The following DLGAP1 variants were observed in gnomAD, a reference collection of about 807,000 sequenced individuals.
The protein encoded by DLGAP1 is DLG associated protein 1, also known as disks large-associated protein 1.
Under a neutral mutation model 90.8 loss-of-function variants are expected in DLGAP1, and 11 were observed. That is an observed-to-expected ratio of 0.12 (90% CI 0.08 to 0.20). The LOEUF is 0.20. Among genes scored for constraint, DLGAP1 ranks in the 10% least tolerant of loss-of-function variants. DLGAP1 has a pLI of 1.00. For missense variants in DLGAP1, 1,050 were observed against 1,333.8 expected, an observed-to-expected ratio of 0.79 and a Z score of 3.31; for synonymous variants, 558 against 540.7, an observed-to-expected ratio of 1.03 and a Z score of -0.44.
intron 7 of DLGAP1, among the ~76,000 whole-genome samples, chr18:3,644,242 T>G (rs907946211): frequency 1.3e-5 from 2 of 152,118 alleles, no homozygotes; most frequent in African/African-American, 4.8e-5. Flanking sequence ...TACTAGGGGT[T>G]GGAATATTTT....
intron 1 of DLGAP1, among the ~76,000 whole-genome samples, chr18:4,282,363 CA>C (rs10710132): frequency 0.46 from 45,109 of 98,896 alleles, 8,652 homozygotes; most frequent in African/African-American, 0.64. Flanking sequence ...GACTCTGTCT[CA>C]AAAAAAAAAA....
intron 1 of DLGAP1, among the ~76,000 whole-genome samples, chr18:4,196,506 G>A (rs535557478): frequency 6.6e-6 from 1 of 152,360 alleles, no homozygotes; most frequent in African/African-American, 2.4e-5. Flanking sequence ...ACTTTTGGCA[G>A]TGTGAATGCG....
At chr18:3,500,633 A>G (rs930869149) in intron 12 of DLGAP1, among the ~76,000 whole-genome samples, 1 of 152,124 alleles carries the variant, frequency 6.6e-6, no homozygotes, top group Admixed American at 6.6e-5. Flanking sequence ...ATATTCTCCC[A>G]ACTCTGATTG....
In DLGAP1 at chr18:3,518,320, A is replaced by G. The variant is rs1378522270; in HGVS notation, c.2480-9659T>C. ...TCACAGTCTTATATGGGCACGGTTC[A>G]TGGAGCTCCAAAACAATTACAATAG... On this transcript the variant is annotated intron_variant, in intron 10 of 12. Coordinates refer to ENST00000315677, the MANE Select transcript of DLGAP1 (RefSeq NM_004746.4). 2.0e-5 allele frequency among the ~76,000 whole-genome samples: 3 copies of G among 152,224 alleles called. No homozygotes were observed. In the East Asian group the frequency reaches 5.8e-4, roughly 29 times the overall value.
chr18:4,174,011 C>T lies in DLGAP1; in HGVS notation c.-266-22724G>A, dbSNP rs12962846. Among the ~76,000 whole-genome samples the T allele has an allele frequency of 1.9e-3, 291 of 152,268 alleles. 1 individual carries two copies. The highest frequency in any genetic ancestry group is 3.4e-3 in the Non-Finnish European group (234 of 68,006). ...CCCTACCTGGCCTCCCTTTCCCTCA[C>T]CTCCCACGCTAAAAATTAAACATCA... On this transcript the variant is annotated intron_variant, in intron 1 of 12. Transcript: ENST00000315677.
intron 1 of DLGAP1, among the ~76,000 whole-genome samples, chr18:4,301,302 T>C (rs2080120601): frequency 6.6e-6 from 1 of 152,202 alleles, no homozygotes; most frequent in Non-Finnish European, 1.5e-5. Context: ...ACTCCACCTC[T>C]CAGCCTCTGG....
At chr18:4,085,024 C>G (rs1288727235) in intron 2 of DLGAP1, among the ~76,000 whole-genome samples, 2 of 152,090 alleles carry the variant, frequency 1.3e-5, no homozygotes, top group Non-Finnish European at 2.9e-5. Flanking sequence ...GTCTATGAAC[C>G]AGGGAGGTTT....
chr18:4,223,000 T>C (rs768484919), intron 1 of DLGAP1, among the ~76,000 whole-genome samples: 1 of 152,258 alleles, frequency 6.6e-6, no homozygotes, highest in African/African-American at 2.4e-5. Context: ...AAATATGTAG[T>C]CTCAGCTACT....
chr18:4,096,466 C>T (rs890812035), intron 2 of DLGAP1, among the ~76,000 whole-genome samples: 12 of 152,120 alleles, frequency 7.9e-5, no homozygotes, highest in Non-Finnish European at 1.2e-4. Context: ...TTCTCATCTG[C>T]TATATGTCCT....
In DLGAP1 at chr18:4,016,705, GT is replaced by G. The variant is rs1225562472; in HGVS notation, c.-158-11505del. On this transcript the variant is annotated intron_variant, in intron 2 of 12. Coordinates refer to ENST00000315677, the MANE Select transcript of DLGAP1 (RefSeq NM_004746.4). The stretch of plus-strand genomic sequence containing the variant: ...TCTCAAGCTCTAGGTATGCTGACAA[GT>G]TTGGTAGACCAGAAGTGTGATACTT... Among the ~76,000 whole-genome samples, 4 of 152,342 alleles carry G rather than the reference GT, an allele frequency of 2.6e-5. No homozygotes were observed. The East Asian group carries it at 7.7e-4, about 29-fold the overall frequency.
chr18:3,976,476 A>C (rs2073583021), intron 3 of DLGAP1, among the ~76,000 whole-genome samples: 1 of 152,124 alleles, frequency 6.6e-6, no homozygotes, highest in East Asian at 1.9e-4. Context: ...AATTCTCAGC[A>C]CCCTAGCTTA....
intron 4 of DLGAP1, among the ~76,000 whole-genome samples, chr18:3,817,460 A>G (rs1308519629): frequency 6.6e-6 from 1 of 152,226 alleles, no homozygotes; most frequent in Admixed American, 6.5e-5. Context: ...ATAGTAATAC[A>G]TTATTTATAT....
chr18:3,657,312 C>T (rs923536045), intron 7 of DLGAP1, among the ~76,000 whole-genome samples: 1 of 152,130 alleles, frequency 6.6e-6, no homozygotes, highest in African/African-American at 2.4e-5. Flanking sequence ...TATGAACATA[C>T]ACTGATTTTT....
At chr18:3,967,196 C>T (rs1218109553) in intron 3 of DLGAP1, among the ~76,000 whole-genome samples, 1 of 152,202 alleles carries the variant, frequency 6.6e-6, no homozygotes, top group Non-Finnish European at 1.5e-5. Flanking sequence ...TTGTAGAGGG[C>T]ATTCCATAAA....
intron 1 of DLGAP1, among the ~76,000 whole-genome samples, chr18:4,270,483 ATAAT>A (rs1312190680): frequency 3.3e-5 from 5 of 152,238 alleles, no homozygotes; most frequent in African/African-American, 9.6e-5. Flanking sequence ...TTTCACGAGA[ATAAT>A]TAATTTAGTG....
At chr18:4,262,120 C>T (rs1244703110) in intron 1 of DLGAP1, among the ~76,000 whole-genome samples, 1 of 152,144 alleles carries the variant, frequency 6.6e-6, no homozygotes, top group Non-Finnish European at 1.5e-5. Flanking sequence ...TGAAGGAGAT[C>T]CATTTTCATC....
At chr18:4,252,841 T>C (rs923848929) in intron 1 of DLGAP1, among the ~76,000 whole-genome samples, 1 of 152,214 alleles carries the variant, frequency 6.6e-6, no homozygotes, top group Non-Finnish European at 1.5e-5. Flanking sequence ...CACATCACAA[T>C]GGCTGTAGCG....
chr18:4,260,238 G>A (rs1043691823), intron 1 of DLGAP1, among the ~76,000 whole-genome samples: 47 of 152,124 alleles, frequency 3.1e-4, no homozygotes, highest in Non-Finnish European at 5.4e-4. Context: ...ACTCGAAACC[G>A]GAAATGGGCT....
intron 5 of DLGAP1, among the ~76,000 whole-genome samples, chr18:3,793,126 A>T (rs761805305): frequency 6.6e-6 from 1 of 152,182 alleles, no homozygotes; most frequent in African/African-American, 2.4e-5. Flanking sequence ...TTAGCAGATG[A>T]ATTGCTTGCC....
Sources: allele counts gnomAD v4.1 joint callset (sites outside exome capture counted in the v4.1 genomes callset), GRCh38; gene constraint gnomAD v4.1.1; transcripts MANE v1.5; gene names NCBI Gene and HGNC (gene_info 2026-07-23, HGNC 2026-07-21).